Variants in INTS9 observed in about 807,000 individuals in gnomAD.
INTS9 encodes the protein integrator complex subunit 9.
INTS9 carries 55 observed loss-of-function variants against 79.7 expected under a neutral mutation model. The ratio of observed to expected loss-of-function variants is 0.69; its 90% CI spans 0.56 to 0.86. The LOEUF (loss-of-function observed/expected upper bound fraction) is 0.86. Ranked by LOEUF, INTS9 falls within the 40% of genes least tolerant of loss-of-function variation. The pLI, the probability that INTS9 is intolerant of heterozygous loss-of-function variation, is 0.00. For missense variants in INTS9, 721 were observed against 831.5 expected (o/e 0.87, Z 1.64); for synonymous variants, 319 against 325.2 (o/e 0.98, Z 0.20).
chr8:28,785,998 G>A (rs774807447), intron 11 of INTS9, among the ~76,000 whole-genome samples: 19 of 152,094 alleles, frequency 1.2e-4, no homozygotes, highest in Non-Finnish European at 2.4e-4. Context: ...TCCCCTTCCT[G>A]TCACTACTGT....
chr8:28,821,372 T>A (rs976872631), intron 6 of INTS9, among the ~76,000 whole-genome samples: 1 of 152,126 alleles, frequency 6.6e-6, no homozygotes, highest in Admixed American at 6.5e-5. Context: ...ACCCATCAGA[T>A]CTTGTGAGAC....
At chr8:28,851,161 T>G (rs1436020184) in intron 2 of INTS9, among the ~76,000 whole-genome samples, 4 of 150,908 alleles carry the variant, frequency 2.7e-5, no homozygotes, top group Non-Finnish European at 5.9e-5. Context: ...AATTAACTTC[T>G]GTGATGCAAA....
At position 28,839,131 on chromosome 8, in the gene INTS9, G is replaced by A. The variant is rs150386611; in HGVS notation, c.262-1355C>T. On this transcript the variant is annotated intron_variant, in intron 4 of 16. Coordinates refer to ENST00000521022, the MANE Select transcript of INTS9 (RefSeq NM_018250.4). ...GGTCCTTGAGATAATACATCCCCAC[G>A]AAGAAGAAATAAGAAAGATGATGTA... is the stretch of plus-strand genomic sequence containing the variant. Among the ~76,000 whole-genome samples the A allele has an allele frequency of 5.6e-3, 852 of 152,142 alleles. 8 individuals are homozygous for A. Among genetic ancestry groups the A allele is most frequent in the African/African-American group, 0.02 (815 of 41,496 alleles).
intron 11 of INTS9, among the ~76,000 whole-genome samples, chr8:28,781,278 G>A (rs926097879): frequency 4.6e-5 from 7 of 151,902 alleles, no homozygotes; most frequent in African/African-American, 1.2e-4. Context: ...ATGAGCATAC[G>A]AAAAAATGCT....
intron 1 of INTS9, among the ~76,000 whole-genome samples, chr8:28,875,621 T>C (rs1487139024): frequency 6.6e-6 from 1 of 152,124 alleles, no homozygotes; most frequent in African/African-American, 2.4e-5. Context: ...CCAGAATCCA[T>C]TAGCTATTCT....
chr8:28,889,778 C>G (rs1357441840), intron 1 of INTS9, 96 bp downstream of exon 1: 2 of 1,385,976 alleles, frequency 1.4e-6, no homozygotes, highest in Non-Finnish European at 2.0e-6. Context: ...ATTGCTACCC[C>G]TCCCGTGCGA....
At chr8:28,874,450 C>T (rs144224607) in intron 1 of INTS9, among the ~76,000 whole-genome samples, 259 of 151,834 alleles carry the variant, frequency 1.7e-3, no homozygotes, top group African/African-American at 5.6e-3. Context: ...CCACCATGCC[C>T]GGCTAATTTT....
chr8:28,847,501 CACT>C (rs1175349403), intron 3 of INTS9, among the ~76,000 whole-genome samples: 4 of 150,240 alleles, frequency 2.7e-5, no homozygotes, highest in Non-Finnish European at 4.4e-5. Context: ...CCACAACCAC[CACT>C]ACTACCACCT....
chr8:28,781,204 C>T (rs904132431), intron 11 of INTS9, among the ~76,000 whole-genome samples: 1 of 152,134 alleles, frequency 6.6e-6, no homozygotes, highest in African/African-American at 2.4e-5. Flanking sequence ...AAGAAATGAA[C>T]AGCCCTATTA....
At chr8:28,772,054 G>T (rs902606269) in intron 14 of INTS9, among the ~76,000 whole-genome samples, 5 of 152,096 alleles carry the variant, frequency 3.3e-5, no homozygotes, top group Non-Finnish European at 5.9e-5. Flanking sequence ...AGATACGGGG[G>T]TCTTGCTGTG....
intron 1 of INTS9, among the ~76,000 whole-genome samples, chr8:28,883,230 T>C (rs866021962): frequency 4.6e-5 from 7 of 152,230 alleles, no homozygotes; most frequent in South Asian, 2.1e-4. Flanking sequence ...ATCTATGCAC[T>C]GGCATTTCCA....
intron 11 of INTS9, among the ~76,000 whole-genome samples, chr8:28,786,373 C>T (rs1239588893): frequency 1.3e-5 from 2 of 152,010 alleles, no homozygotes; most frequent in African/African-American, 4.8e-5. Context: ...GCAGCAGCCT[C>T]GAACTCCCTC....
chr8:28,780,227 TAAAAAAAAAAAAAAAAAAAAAAAAAAA>T lies in INTS9; in HGVS notation c.1270+569_1270+595del, dbSNP rs560903797. Reference sequence around the variant, plus strand: ...CTAACACTAATGATGACTGATGAGCTAAAAAAAAAAAAAAAAAAAAAAAAAAAAAAAAAAAAAAAGGTCTGTGCATAA... The same window carrying T: ...CTAACACTAATGATGACTGATGAGCTAAAAAAAAAAAAGGTCTGTGCATAA... On this transcript the variant is annotated intron_variant, in intron 12 of 16. Transcript: ENST00000521022. 7.3e-4 allele frequency: 29 copies of T among 39,930 alleles called. 1 individual carries two copies. The highest frequency in any genetic ancestry group is 1.6e-3 in the South Asian group (1 of 640). The allele number at this position is 39,930 out of a possible 1,614,324, so 2.5% of individuals were successfully genotyped here.
At chr8:28,859,234 G>A (rs1486889363) in intron 2 of INTS9, among the ~76,000 whole-genome samples, 2 of 152,168 alleles carry the variant, frequency 1.3e-5, no homozygotes, top group Admixed American at 6.5e-5. Context: ...CTCAGAAGAA[G>A]TTATAATAAA....
intron 10 of INTS9, among the ~76,000 whole-genome samples, chr8:28,793,479 A>T (rs1049633009): frequency 1.3e-5 from 2 of 152,142 alleles, no homozygotes; most frequent in Admixed American, 6.6e-5. Flanking sequence ...GGGCTTGAAA[A>T]TTTTTTTAAC....
chr8:28,889,918 C>CT lies in INTS9; in HGVS notation c.-37dup, dbSNP rs771948630. ...TGGTGGTTCAATAGCAGTCACTGAA[C>CT]TCCTCAAACCCAGGAAGCGTCTTCC... On this transcript the variant is annotated 5_prime_UTR_variant, in exon 1 of 17. Transcript: ENST00000521022. 1 of 1,594,662 alleles carries CT rather than the reference C, an allele frequency of 6.3e-7. No individual in the cohort carries two copies. Among genetic ancestry groups the CT allele is most frequent in the Non-Finnish European group, 8.6e-7 (1 of 1,163,228 alleles).
chr8:28,823,899 G>A (rs898558668), intron 6 of INTS9, among the ~76,000 whole-genome samples: 1 of 152,074 alleles, frequency 6.6e-6, no homozygotes, highest in Non-Finnish European at 1.5e-5. Flanking sequence ...ATGTCAAATC[G>A]TTCCTATGCT....
rs757720202 is a variant in INTS9, at chr8:28,775,925, G to A, written c.1397C>T (p.Pro466Leu). 6.4e-7 allele frequency: 1 copy of A among 1,550,888 alleles called. No homozygotes were observed. The highest frequency in any genetic ancestry group is 1.2e-5 in the South Asian group (1 of 82,290). ...QVSKLLKEVQPLHVVCPEQYT... is the reference protein window; with the variant it reads ...QVSKLLKEVQLLHVVCPEQYT... ...CTGCTCAGGACACACCACGTGCAGGGGCTGAGGAACCAATGGGACAGTTGA... is the reference window on the plus strand; with the variant it reads ...CTGCTCAGGACACACCACGTGCAGGAGCTGAGGAACCAATGGGACAGTTGA... The change falls in exon 14 of 17, where the codon CCC becomes CTC. Residue 466 changes from proline to leucine, a missense_variant and splice_region_variant. Physicochemically the swap from Pro to Leu is moderately conservative, Grantham distance 98. Coordinates refer to ENST00000521022, the MANE Select transcript of INTS9 (RefSeq NM_018250.4).
chr8:28,872,063 T>C (rs1020087537), intron 1 of INTS9, among the ~76,000 whole-genome samples: 10 of 152,166 alleles, frequency 6.6e-5, no homozygotes, highest in African/African-American at 2.2e-4. Context: ...GCCCAGTCCA[T>C]ACATTGGCAA....
Sources: gnomAD v4.1 joint callset for allele counts (sites outside exome capture counted in the v4.1 genomes callset) on GRCh38, gnomAD v4.1.1 for gene constraint, MANE v1.5 for transcripts, NCBI Gene and HGNC (gene_info 2026-07-23, HGNC 2026-07-21) for gene names.